The following RANBP2 variants were observed in gnomAD, a reference collection of about 807,000 sequenced individuals.
RANBP2 encodes RAN binding protein 2.
A neutral mutation model predicts 303.6 loss-of-function variants in RANBP2; 57 were observed. That is an observed-to-expected ratio of 0.19 (90% confidence interval 0.15 to 0.23). The LOEUF is 0.23. Ranked by LOEUF, RANBP2 falls within the 10% of genes least tolerant of loss-of-function variation. The pLI, the probability that RANBP2 is intolerant of heterozygous loss-of-function variation, is 1.00. For missense variants in RANBP2, 3,138 were observed against 3,780.8 expected, an observed-to-expected ratio of 0.83 and a Z score of 4.46; for synonymous variants, 1,167 against 1,301.5, an observed-to-expected ratio of 0.90 and a Z score of 2.23.
intron 4 of RANBP2, among the ~76,000 whole-genome samples, chr2:108,733,162 A>G (rs544004197): frequency 3.8e-4 from 57 of 151,882 alleles, no homozygotes; most frequent in African/African-American, 1.3e-3. Flanking sequence ...TTCAGTCACC[A>G]TAATACCATT....
the RANBP2 span, among the ~76,000 whole-genome samples, chr2:109,401,269 G>A: frequency 6.6e-6 from 1 of 152,244 alleles, no homozygotes; most frequent in African/African-American, 2.4e-5. Flanking sequence ...GTCGAAAGTT[G>A]TGTTGTGAAA....
At chr2:109,412,110 A>G in the RANBP2 span, among the ~76,000 whole-genome samples, 1 of 152,214 alleles carries the variant, frequency 6.6e-6, no homozygotes, top group Non-Finnish European at 1.5e-5. Flanking sequence ...CACGCAGGGC[A>G]GTCGGTGGAT....
chr2:108,948,607 A>C, the RANBP2 span, among the ~76,000 whole-genome samples: 1 of 152,190 alleles, frequency 6.6e-6, no homozygotes, highest in African/African-American at 2.4e-5. Context: ...CACGTCTCAC[A>C]TGGTGGCAGG....
the RANBP2 span, among the ~76,000 whole-genome samples, chr2:109,276,966 C>T: frequency 1.9e-3 from 293 of 152,162 alleles, no homozygotes; most frequent in African/African-American, 6.5e-3. Context: ...CTGGGGGACT[C>T]GGCTTCTCCC....
At chr2:108,744,355 A>C (rs969999879) in intron 7 of RANBP2, among the ~76,000 whole-genome samples, 1 of 152,110 alleles carries the variant, frequency 6.6e-6, no homozygotes, top group Non-Finnish European at 1.5e-5. Flanking sequence ...AGTGAGCTGA[A>C]ATCGTGCCAC....
At chr2:108,904,908 C>T in the RANBP2 span, among the ~76,000 whole-genome samples, 19 of 152,148 alleles carry the variant, frequency 1.2e-4, no homozygotes, top group Middle Eastern at 3.4e-3. Context: ...ATATCAGTGT[C>T]CTGGTTGTGA....
the RANBP2 span, among the ~76,000 whole-genome samples, chr2:109,002,362 C>T: frequency 6.6e-6 from 1 of 152,224 alleles, no homozygotes; most frequent in Non-Finnish European, 1.5e-5. Flanking sequence ...GGGCACCACA[C>T]TTGCCTCCTT....
At chr2:109,057,817 G>T in the RANBP2 span, among the ~76,000 whole-genome samples, 1 of 152,214 alleles carries the variant, frequency 6.6e-6, no homozygotes, top group Non-Finnish European at 1.5e-5. Context: ...CCAGCTTGCG[G>T]TGGTTACTCA....
chr2:109,544,826 C>T, the RANBP2 span: 3 of 757,792 alleles, frequency 4.0e-6, no homozygotes, highest in Non-Finnish European at 4.8e-6. Context: ...GACAACTGCT[C>T]TAGGCTCTGG....
At chr2:108,847,130 C>T in the RANBP2 span, among the ~76,000 whole-genome samples, 14 of 152,202 alleles carry the variant, frequency 9.2e-5, no homozygotes, top group Non-Finnish European at 1.6e-4. Flanking sequence ...CTTGCCTCCT[C>T]CCAAGAGGCC....
the RANBP2 span, among the ~76,000 whole-genome samples, chr2:108,985,474 A>G: frequency 2.0e-4 from 30 of 152,210 alleles, no homozygotes; most frequent in Admixed American, 2.6e-4. Flanking sequence ...AGGGCTCCTT[A>G]CGGCCCACCT....
chr2:109,273,691 C>T, the RANBP2 span, among the ~76,000 whole-genome samples: 2 of 152,122 alleles, frequency 1.3e-5, no homozygotes, highest in Admixed American at 1.3e-4. Context: ...CACACGTTGT[C>T]AGGGACGCAT....
At chr2:109,510,908 T>A in the RANBP2 span, among the ~76,000 whole-genome samples, 2 of 152,170 alleles carry the variant, frequency 1.3e-5, no homozygotes, top group African/African-American at 2.4e-5. Flanking sequence ...GCCCCTGGCC[T>A]CCTCGTGGGT....
chr2:109,086,350 C>A, the RANBP2 span, among the ~76,000 whole-genome samples: 2 of 152,058 alleles, frequency 1.3e-5, no homozygotes, highest in African/African-American at 4.8e-5. Context: ...GATGCAGGGC[C>A]CTAATATTTC....
the RANBP2 span, chr2:109,794,658 C>T: frequency 2.6e-6 from 2 of 755,644 alleles, no homozygotes; most frequent in Non-Finnish European, 3.1e-6. Flanking sequence ...GTCATGTCTC[C>T]CGAGGGGCGC....
At chr2:109,059,193 C>CTG in the RANBP2 span, among the ~76,000 whole-genome samples, 6 of 152,140 alleles carry the variant, frequency 3.9e-5, no homozygotes, top group Non-Finnish European at 7.4e-5. Context: ...GGCCCCTCTA[C>CTG]TGTGCCAGGG....
chr2:109,229,530 C>A, the RANBP2 span, among the ~76,000 whole-genome samples: 40 of 151,988 alleles, frequency 2.6e-4, no homozygotes, highest in African/African-American at 9.7e-4. Flanking sequence ...CTTGAGAGCC[C>A]GATACGGGAG....
In RANBP2 at chr2:108,762,884, G is replaced by A. The variant is rs146488418; in HGVS notation, c.2698-353G>A. Reference sequence around the variant, plus strand: ...AGGTATTTATTTTATGACTTTAGCTGTAGATTTTAAGATGCTATACATAAT... The same window carrying A: ...AGGTATTTATTTTATGACTTTAGCTATAGATTTTAAGATGCTATACATAAT... On this transcript the variant is annotated intron_variant, in intron 19 of 28. Transcript: ENST00000283195. Among the ~76,000 whole-genome samples, 763 of 152,224 alleles carry A rather than the reference G, an allele frequency of 5.0e-3. 4 individuals are homozygous for A. The highest frequency in any genetic ancestry group is 0.021 in the South Asian group (102 of 4,828).
chr2:109,253,720 A>G, the RANBP2 span, among the ~76,000 whole-genome samples: 1 of 152,186 alleles, frequency 6.6e-6, no homozygotes, highest in African/African-American at 2.4e-5. Context: ...ATAATAGAAC[A>G]GGTGGTTATT....
Sources: gnomAD v4.1 joint callset for allele counts (sites outside exome capture counted in the v4.1 genomes callset) on GRCh38, gnomAD v4.1.1 for gene constraint, MANE v1.5 for transcripts, NCBI Gene and HGNC (gene_info 2026-07-23, HGNC 2026-07-21) for gene names.